OSBPL10: variants seen among roughly 807,000 people sequenced by gnomAD.
OSBPL10 encodes oxysterol binding protein like 10.
A neutral mutation model predicts 81.7 loss-of-function variants in OSBPL10; 49 were observed. That is an observed-to-expected ratio of 0.60 (90% CI 0.48 to 0.76). The LOEUF is 0.76. Among genes scored for constraint, OSBPL10 ranks in the 30% least tolerant of loss-of-function variants. OSBPL10 has a pLI of 0.00. For missense variants in OSBPL10, 923 were observed against 987.8 expected, an observed-to-expected ratio of 0.93 and a Z score of 0.88; for synonymous variants, 419 against 383.6, an observed-to-expected ratio of 1.09 and a Z score of -1.08.
Position 31,677,663 on chromosome 3 carries a change from G to C in OSBPL10, c.1726+5971C>G, listed in dbSNP as rs528654568. Among the ~76,000 whole-genome samples, 157 of 152,312 alleles carry C rather than the reference G, an allele frequency of 1.0e-3. 2 individuals are homozygous for C. Among genetic ancestry groups the C allele is most frequent in the African/African-American group, 3.7e-3 (154 of 41,570 alleles). On this transcript the variant is annotated intron_variant, in intron 8 of 11. Transcript: ENST00000396556. ...CTCACCCACGACACTGTGGTCCTGGGCTGGGTAAAGTGAATCAAGGGCTCC... is the reference window on the plus strand; with the variant it reads ...CTCACCCACGACACTGTGGTCCTGGCCTGGGTAAAGTGAATCAAGGGCTCC...
intron 5 of OSBPL10, among the ~76,000 whole-genome samples, chr3:31,740,367 GT>G (rs1697303195): frequency 1.3e-5 from 2 of 152,122 alleles, no homozygotes; most frequent in South Asian, 4.2e-4. Context: ...TCTAAGCATG[GT>G]TACATAACTG....
chr3:31,676,016 G>A (rs1700466212), intron 8 of OSBPL10, among the ~76,000 whole-genome samples: 1 of 150,666 alleles, frequency 6.6e-6, no homozygotes, highest in African/African-American at 2.4e-5. Flanking sequence ...GGATGGAAGA[G>A]ACACAGGGCA....
At chr3:31,686,135 C>A (rs909984224) in intron 7 of OSBPL10, among the ~76,000 whole-genome samples, 1 of 152,186 alleles carries the variant, frequency 6.6e-6, no homozygotes, top group Non-Finnish European at 1.5e-5. Context: ...CACGTTTTGA[C>A]CCAGCACATG....
At chr3:32,004,864 A>G (rs1006911126) in intron 2 of OSBPL10, among the ~76,000 whole-genome samples, 2 of 152,224 alleles carry the variant, frequency 1.3e-5, no homozygotes, top group Non-Finnish European at 2.9e-5. Flanking sequence ...TAAGTAAATT[A>G]TAGTCCTTAT....
chr3:31,761,063 A>G (rs923094963), intron 4 of OSBPL10, among the ~76,000 whole-genome samples: 2 of 152,132 alleles, frequency 1.3e-5, no homozygotes, highest in African/African-American at 4.8e-5. Context: ...CCTCTGCCCT[A>G]TCACTCTCCA....
chr3:31,989,654 C>T (rs1272714735), intron 2 of OSBPL10: 2 of 1,614,108 alleles, frequency 1.2e-6, no homozygotes, highest in Non-Finnish European at 1.7e-6. Context: ...GTTCTAACGT[C>T]CCAAAGAATT....
At chr3:31,680,115 C>T (rs1197034299) in intron 8 of OSBPL10, among the ~76,000 whole-genome samples, 5 of 152,134 alleles carry the variant, frequency 3.3e-5, no homozygotes, top group African/African-American at 1.2e-4. Context: ...TTCAGGAGAA[C>T]AAGCAGTCAC....
intron 2 of OSBPL10, among the ~76,000 whole-genome samples, chr3:32,004,117 T>C (rs906460175): frequency 6.6e-6 from 1 of 152,208 alleles, no homozygotes; most frequent in African/African-American, 2.4e-5. Context: ...AGTTTTAACT[T>C]ATATTATTTT....
At chr3:32,013,190 G>C (rs1368770183) in intron 2 of OSBPL10, among the ~76,000 whole-genome samples, 2 of 152,032 alleles carry the variant, frequency 1.3e-5, no homozygotes, top group African/African-American at 4.8e-5. Context: ...CCACATAGTT[G>C]GAAGTAAAGC....
At chr3:31,853,369 G>C (rs1188878881) in intron 3 of OSBPL10, among the ~76,000 whole-genome samples, 1 of 152,118 alleles carries the variant, frequency 6.6e-6, no homozygotes, top group East Asian at 1.9e-4. Context: ...TCAGCATCAA[G>C]GGGTCTGTGA....
intron 1 of OSBPL10, among the ~76,000 whole-genome samples, chr3:31,920,935 T>A (rs1476542625): frequency 5.2e-4 from 79 of 152,222 alleles, no homozygotes; most frequent in Admixed American, 5.0e-3. Context: ...CACTATGTTT[T>A]ATGTGTAGCC....
chr3:31,894,505 A>G (rs1392747893), intron 1 of OSBPL10, among the ~76,000 whole-genome samples: 1 of 152,226 alleles, frequency 6.6e-6, no homozygotes, highest in African/African-American at 2.4e-5. Flanking sequence ...GTTTATTTCT[A>G]GATTCATGGA....
At chr3:31,960,763 C>A (rs1332282452) in intron 1 of OSBPL10, among the ~76,000 whole-genome samples, 1 of 152,136 alleles carries the variant, frequency 6.6e-6, no homozygotes, top group Non-Finnish European at 1.5e-5. Flanking sequence ...AGGCCATCAG[C>A]CATGTGCCAT....
chr3:31,870,019 G>C (rs1026076370), intron 3 of OSBPL10, among the ~76,000 whole-genome samples: 1 of 152,220 alleles, frequency 6.6e-6, no homozygotes, highest in Non-Finnish European at 1.5e-5. Flanking sequence ...CCACTTTGGT[G>C]GCACTTGAGG....
chr3:31,979,540 C>G (rs1243879465), intron 1 of OSBPL10, among the ~76,000 whole-genome samples: 1 of 152,014 alleles, frequency 6.6e-6, no homozygotes, highest in Non-Finnish European at 1.5e-5. Context: ...AGCAACTTTC[C>G]AGGGTATAAT....
chr3:32,007,619 C>T (rs761880185), intron 2 of OSBPL10, among the ~76,000 whole-genome samples: 6 of 152,156 alleles, frequency 3.9e-5, no homozygotes, highest in Non-Finnish European at 5.9e-5. Context: ...GTTCCCTCTG[C>T]CTCTCTCTTA....
In OSBPL10 at chr3:31,916,568, C is replaced by T. The variant is rs548207999; in HGVS notation, c.282-36738G>A. 4.9e-4 allele frequency among the ~76,000 whole-genome samples: 74 copies of T among 152,302 alleles called. No homozygotes were observed. The South Asian group carries it at 0.015, about 31-fold the overall frequency. ...GACTCTTAGTCTTTTATCACCCACC[C>T]CCACAAATGATCATTTTCCACAGTC... On this transcript the variant is annotated intron_variant, in intron 1 of 11. Coordinates refer to ENST00000396556, the MANE Select transcript of OSBPL10 (RefSeq NM_017784.5).
rs1172097091 is a variant in OSBPL10, at chr3:32,065,173, C to T, written n.185+12223G>A. ...GGAACACTCCACTCTCTGAAAAGTT[C>T]TTCATGTACTTTTTCAAGTGGTATA... On this transcript the variant is annotated intron_variant and non_coding_transcript_variant, in intron 1 of 3. Coordinates refer to the OSBPL10 transcript ENST00000479173. 2 of 92,728 alleles carry T rather than the reference C, an allele frequency of 2.2e-5. 1 individual carries two copies. Among genetic ancestry groups the T allele is most frequent in the Non-Finnish European group, 5.8e-5 (2 of 34,700 alleles). 5.7% of individuals were successfully genotyped at this position (92,728 alleles called of 1,614,324 possible). A position where few individuals can be genotyped will look rare whatever the true frequency, so the allele number is the denominator to read the frequency against.
At chr3:31,845,513 T>C (rs555517019) in intron 3 of OSBPL10, among the ~76,000 whole-genome samples, 2 of 152,250 alleles carry the variant, frequency 1.3e-5, no homozygotes, top group East Asian at 1.9e-4. Flanking sequence ...TGTGCAATTA[T>C]AGTGCTTTTA....
Sources: allele counts gnomAD v4.1 joint callset (sites outside exome capture counted in the v4.1 genomes callset), GRCh38; gene constraint gnomAD v4.1.1; transcripts MANE v1.5; gene names NCBI Gene and HGNC (gene_info 2026-07-23, HGNC 2026-07-21).